SLC4A4: variants seen among roughly 807,000 people sequenced by gnomAD.
The protein encoded by SLC4A4 is electrogenic sodium bicarbonate cotransporter 1.
Under a neutral mutation model 111.5 loss-of-function variants are expected in SLC4A4, and 27 were observed. The observed-to-expected ratio is 0.24, with a 90% confidence interval of 0.18 to 0.33. The LOEUF is 0.33. SLC4A4 is among the 10% of genes least tolerant of loss of function. SLC4A4 has a pLI of 1.00. For missense variants in SLC4A4, 909 were observed against 1,315.5 expected, an observed-to-expected ratio of 0.69 and a Z score of 4.78; for synonymous variants, 443 against 463.4, an observed-to-expected ratio of 0.96 and a Z score of 0.57.
At chr4:71,350,363 T>TTTTTA (rs998922602) in intron 5 of SLC4A4, among the ~76,000 whole-genome samples, 1 of 152,004 alleles carries the variant, frequency 6.6e-6, no homozygotes, top group Non-Finnish European at 1.5e-5. Context: ...TTTTTGATTT[T>TTTTTA]TTTTATTTTA....
At chr4:71,443,565 A>C (rs543316763) in intron 8 of SLC4A4, among the ~76,000 whole-genome samples, 1 of 152,340 alleles carries the variant, frequency 6.6e-6, no homozygotes, top group South Asian at 2.1e-4. Context: ...AACTTTAAAT[A>C]GATTTCTGAA....
intron 18 of SLC4A4, among the ~76,000 whole-genome samples, chr4:71,543,498 T>C (rs1376573938): frequency 6.6e-6 from 1 of 152,134 alleles, no homozygotes. Context: ...GATGGTTATA[T>C]ATAGTTACCT....
At chr4:71,240,996 G>C (rs1402877599) in intron 2 of SLC4A4, among the ~76,000 whole-genome samples, 1 of 152,008 alleles carries the variant, frequency 6.6e-6, no homozygotes. Context: ...GTGCATGCCT[G>C]TAGTCCCAGC....
At chr4:71,259,676 G>C (rs763732849) in intron 3 of SLC4A4, among the ~76,000 whole-genome samples, 1 of 151,916 alleles carries the variant, frequency 6.6e-6, no homozygotes, top group East Asian at 1.9e-4. Context: ...ATCCTCTGAG[G>C]GTTGCCCAAA....
At chr4:71,156,591 C>CACACACACACACACAT (rs1744481584) in intron 2 of SLC4A4, among the ~76,000 whole-genome samples, 1 of 134,372 alleles carries the variant, frequency 7.4e-6, no homozygotes, top group African/African-American at 3.8e-5. Context: ...CGCGCGCGCA[C>CACACACACACACACAT]ACACACACAC....
At chr4:71,241,854 A>G (rs1160480405) in intron 2 of SLC4A4, among the ~76,000 whole-genome samples, 3 of 152,334 alleles carry the variant, frequency 2.0e-5, no homozygotes, top group East Asian at 1.9e-4. Context: ...GTTTCCCAGA[A>G]CAGGTTGAGC....
In SLC4A4 at chr4:71,142,748, A is replaced by C. The variant is rs1744037854; in HGVS notation, c.-2+49956A>C. Among the ~76,000 whole-genome samples, 3 of 147,766 alleles carry C rather than the reference A, an allele frequency of 2.0e-5. No homozygotes were observed. The Admixed American group carries it at 2.1e-4, about 10-fold the overall frequency. On this transcript the variant is annotated intron_variant, in intron 2 of 26. Transcript: ENST00000649996. ...TCTCTCCAGCCATTCCAAAGGCACA[A>C]ACTTTTCTCACTCTTTTTTTTTTTT...
At chr4:71,158,137 GTGTGTCTCTC>G (rs1403609594) in intron 2 of SLC4A4, among the ~76,000 whole-genome samples, 2 of 145,162 alleles carry the variant, frequency 1.4e-5, no homozygotes, top group Non-Finnish European at 3.0e-5. Context: ...GTGTGTGTGT[GTGTGTCTCTC>G]TCTCTCTCTC....
At chr4:71,551,739 T>G (rs1314437675) in intron 20 of SLC4A4, among the ~76,000 whole-genome samples, 3 of 151,936 alleles carry the variant, frequency 2.0e-5, no homozygotes, top group Non-Finnish European at 4.4e-5. Flanking sequence ...CCAGCTTCTT[T>G]GATCCAACTT....
chr4:71,256,500 C>T (rs147789075), intron 3 of SLC4A4, among the ~76,000 whole-genome samples: 3 of 152,100 alleles, frequency 2.0e-5, no homozygotes, highest in East Asian at 3.9e-4. Context: ...GGTGGACCAT[C>T]GAATTAAAGA....
chr4:71,550,053 T>C (rs7679535), intron 20 of SLC4A4, among the ~76,000 whole-genome samples: 4,614 of 151,982 alleles, frequency 0.03, 312 homozygotes, highest in East Asian at 0.28. Context: ...TTCATGATTG[T>C]GGCTATTTCC....
chr4:71,379,409 G>T (rs145180839), intron 6 of SLC4A4, among the ~76,000 whole-genome samples: 3 of 152,112 alleles, frequency 2.0e-5, no homozygotes, highest in African/African-American at 7.2e-5. Flanking sequence ...ACTTATTCAT[G>T]CTGTTCCAAT....
At chr4:71,136,645 C>T (rs968140368) in intron 2 of SLC4A4, among the ~76,000 whole-genome samples, 2 of 152,166 alleles carry the variant, frequency 1.3e-5, no homozygotes, top group Admixed American at 6.5e-5. Context: ...GCATTTCCCC[C>T]ATGCATTAAC....
chr4:71,114,360 C>T (rs1406109122), intron 2 of SLC4A4, among the ~76,000 whole-genome samples: 1 of 151,434 alleles, frequency 6.6e-6, no homozygotes, highest in Non-Finnish European at 1.5e-5. Context: ...TAAAGAGCTT[C>T]TGCACAGCAA....
At chr4:71,187,927 A>G (rs1326595283) in intron 1 of SLC4A4, among the ~76,000 whole-genome samples, 7 of 152,194 alleles carry the variant, frequency 4.6e-5, no homozygotes, top group African/African-American at 1.7e-4. Flanking sequence ...TGGCACGCCA[A>G]AGGCGGGGGG....
At chr4:71,521,343 C>T (rs1578104682) in intron 16 of SLC4A4, among the ~76,000 whole-genome samples, 1 of 152,094 alleles carries the variant, frequency 6.6e-6, no homozygotes, top group Non-Finnish European at 1.5e-5. Flanking sequence ...GCGATCCTCT[C>T]TCCTGTCTTC....
intron 4 of SLC4A4, among the ~76,000 whole-genome samples, chr4:71,341,173 G>T (rs1728874499): frequency 6.6e-6 from 1 of 152,118 alleles, no homozygotes. Context: ...TGAATGAATA[G>T]TTTATGTCAG....
chr4:71,195,481 G>A (rs1250554110), intron 1 of SLC4A4, among the ~76,000 whole-genome samples: 1 of 152,082 alleles, frequency 6.6e-6, no homozygotes, highest in Non-Finnish European at 1.5e-5. Flanking sequence ...ATAGTAAACA[G>A]CTTTTGTTTT....
At chr4:71,426,515 T>C (rs1723154070) in intron 7 of SLC4A4, among the ~76,000 whole-genome samples, 1 of 152,142 alleles carries the variant, frequency 6.6e-6, no homozygotes, top group South Asian at 2.1e-4. Flanking sequence ...AAGCCAATTG[T>C]AGGCAACGTA....
Sources: gnomAD v4.1 joint callset for allele counts (sites outside exome capture counted in the v4.1 genomes callset) on GRCh38, gnomAD v4.1.1 for gene constraint, MANE v1.5 for transcripts, NCBI Gene and HGNC (gene_info 2026-07-23, HGNC 2026-07-21) for gene names.